The following STAU2 variants were observed in gnomAD, a reference collection of about 807,000 sequenced individuals.
STAU2 encodes the protein double-stranded RNA-binding protein Staufen homolog 2.
Under a neutral mutation model 65.9 loss-of-function variants are expected in STAU2, and 20 were observed. The observed-to-expected ratio is 0.30, with a 90% CI of 0.21 to 0.44. STAU2 has a LOEUF of 0.44. Ranked by LOEUF, STAU2 falls within the 20% of genes least tolerant of loss-of-function variation. The pLI is 1.00. For missense variants in STAU2, 558 were observed against 683.9 expected, an observed-to-expected ratio of 0.82 and a Z score of 2.05; for synonymous variants, 232 against 233.9, an observed-to-expected ratio of 0.99 and a Z score of 0.07.
In STAU2 at chr8:73,520,666, G is replaced by T. The variant is rs538176225; in HGVS notation, c.1530+31346C>A. On this transcript the variant is annotated intron_variant, in intron 13 of 14. Coordinates refer to ENST00000524300, the MANE Select transcript of STAU2 (RefSeq NM_001164380.2). ...AGGGGTTCCTGGTACAGATGTCTTT[G>T]CCCAGGACACAAGAAGATCAGCTCT... Among the ~76,000 whole-genome samples the T allele has an allele frequency of 7.2e-5, 11 of 152,264 alleles. No individual in the cohort carries two copies. In the South Asian group the frequency reaches 2.3e-3, roughly 32 times the overall value.
intron 4 of STAU2, among the ~76,000 whole-genome samples, chr8:73,698,540 A>G (rs7012502): frequency 0.2 from 30,740 of 152,074 alleles, 3,469 homozygotes; most frequent in East Asian, 0.37. Context: ...CAAGACAAAA[A>G]CTGTAAGGAG....
chr8:73,648,781 G>C (rs1311752298), intron 6 of STAU2, among the ~76,000 whole-genome samples: 2 of 152,076 alleles, frequency 1.3e-5, no homozygotes, highest in Non-Finnish European at 2.9e-5. Flanking sequence ...TCTTTCAGTT[G>C]TGTCTTGTTT....
intron 12 of STAU2, among the ~76,000 whole-genome samples, chr8:73,565,254 T>G (rs1309336119): frequency 6.6e-6 from 1 of 151,796 alleles, no homozygotes; most frequent in Non-Finnish European, 1.5e-5. Context: ...CCTGATAGAG[T>G]GTTCACAAGA....
chr8:73,515,974 C>A (rs1367231669), intron 13 of STAU2, among the ~76,000 whole-genome samples: 1 of 148,610 alleles, frequency 6.7e-6, no homozygotes, highest in East Asian at 2.0e-4. Flanking sequence ...TGCTCTGTCA[C>A]CCAGGTTGGA....
At chr8:73,671,435 A>G (rs577100236) in intron 6 of STAU2, among the ~76,000 whole-genome samples, 30 of 152,088 alleles carry the variant, frequency 2.0e-4, no homozygotes, top group Non-Finnish European at 3.2e-4. Context: ...TTAACTACCA[A>G]AGAAGACAAA....
chr8:73,643,116 C>T (rs562536421), intron 6 of STAU2, among the ~76,000 whole-genome samples: 2 of 152,320 alleles, frequency 1.3e-5, no homozygotes, highest in South Asian at 4.1e-4. Context: ...CACTCCAAAT[C>T]TGTTTCTTCT....
At chr8:73,622,482 T>C (rs1813339589) in intron 6 of STAU2, among the ~76,000 whole-genome samples, 2 of 152,260 alleles carry the variant, frequency 1.3e-5, no homozygotes, top group Admixed American at 6.5e-5. Context: ...AGGCAGGAGA[T>C]GTCCCCAAGG....
chr8:73,609,085 A>T (rs934990305), intron 9 of STAU2, among the ~76,000 whole-genome samples: 7 of 152,190 alleles, frequency 4.6e-5, no homozygotes, highest in African/African-American at 1.7e-4. Flanking sequence ...TTTAGAAGGG[A>T]AAATGATGAA....
intron 6 of STAU2, among the ~76,000 whole-genome samples, chr8:73,619,875 A>G (rs1009080579): frequency 2.0e-5 from 3 of 152,208 alleles, no homozygotes; most frequent in Non-Finnish European, 4.4e-5. Context: ...AAAAAAAAGA[A>G]AAAGTTGCTG....
At chr8:73,665,984 GA>G (rs1445116318) in intron 6 of STAU2, among the ~76,000 whole-genome samples, 1 of 151,970 alleles carries the variant, frequency 6.6e-6, no homozygotes, top group Non-Finnish European at 1.5e-5. Context: ...ATAATGACAA[GA>G]AAAAAATGTC....
At chr8:73,494,101 G>C (rs1018518639) in intron 13 of STAU2, among the ~76,000 whole-genome samples, 6 of 151,868 alleles carry the variant, frequency 4.0e-5, no homozygotes, top group Non-Finnish European at 5.9e-5. Context: ...ACAGGGGTTT[G>C]AGTTGTACAA....
chr8:73,651,397 G>T, intron 6 of STAU2: 1 of 664,438 alleles, frequency 1.5e-6, no homozygotes. Flanking sequence ...GGGAAATGCA[G>T]CTGTCGGAGG....
chr8:73,571,813 C>A (rs1473687445), intron 12 of STAU2, among the ~76,000 whole-genome samples: 1 of 151,986 alleles, frequency 6.6e-6, no homozygotes, highest in African/African-American at 2.4e-5. Flanking sequence ...CTAAAATTGA[C>A]ACCCTAACAT....
At chr8:73,531,832 A>C (rs1357231560) in intron 13 of STAU2, among the ~76,000 whole-genome samples, 1 of 152,230 alleles carries the variant, frequency 6.6e-6, no homozygotes, top group Non-Finnish European at 1.5e-5. Context: ...TTTCTGCTAG[A>C]ACAAAGCAGT....
intron 10 of STAU2, among the ~76,000 whole-genome samples, chr8:73,600,498 A>G (rs1811556154): frequency 6.6e-6 from 1 of 152,222 alleles, no homozygotes; most frequent in Non-Finnish European, 1.5e-5. Flanking sequence ...GTCTGCCTCA[A>G]CATGGCAGGC....
At chr8:73,508,146 T>C (rs1260382400) in intron 13 of STAU2, among the ~76,000 whole-genome samples, 1 of 152,218 alleles carries the variant, frequency 6.6e-6, no homozygotes, top group Non-Finnish European at 1.5e-5. Context: ...GCTTTTCTTC[T>C]GTACCCACAA....
At chr8:73,740,381 G>A (rs1806762538) in intron 1 of STAU2, among the ~76,000 whole-genome samples, 1 of 151,994 alleles carries the variant, frequency 6.6e-6, no homozygotes, top group African/African-American at 2.4e-5. Flanking sequence ...TATTTGGATA[G>A]GCAAAAAAAT....
At position 73,436,707 on chromosome 8, in the gene STAU2, C is replaced by T. The variant is rs369207117; in HGVS notation, c.1531-14005G>A. On this transcript the variant is annotated intron_variant, in intron 13 of 14. Coordinates refer to ENST00000524300, the MANE Select transcript of STAU2 (RefSeq NM_001164380.2). The stretch of plus-strand genomic sequence containing the variant: ...GTTCAAGCAATTCTCCCTCCTCAGC[C>T]TCCCAAGTAACTGAGATTACAGGCA... Among the ~76,000 whole-genome samples the T allele has an allele frequency of 1.3e-4, 20 of 152,084 alleles. No homozygotes were observed. In the East Asian group the frequency reaches 2.1e-3, roughly 16 times the overall value.
At chr8:73,490,204 G>A (rs1169104082) in intron 13 of STAU2, among the ~76,000 whole-genome samples, 1 of 151,946 alleles carries the variant, frequency 6.6e-6, no homozygotes, top group Non-Finnish European at 1.5e-5. Flanking sequence ...GGGGAGCTTC[G>A]CATAAGATTT....
Sources: gnomAD v4.1 joint callset for allele counts (sites outside exome capture counted in the v4.1 genomes callset) on GRCh38, gnomAD v4.1.1 for gene constraint, MANE v1.5 for transcripts, NCBI Gene and HGNC (gene_info 2026-07-23, HGNC 2026-07-21) for gene names.